Variants in PEMT observed in about 807,000 individuals in gnomAD.
PEMT encodes phospholipid methyltransferase.
A neutral mutation model predicts 27.4 loss-of-function variants in PEMT; 23 were observed. The observed-to-expected ratio is 0.84, with a 90% confidence interval of 0.60 to 1.19. The LOEUF is 1.19. Among genes scored for constraint, PEMT ranks in the 50% most tolerant of loss-of-function variants. PEMT has a pLI of 0.00. For synonymous variants in PEMT, 137 were observed against 139.1 expected (o/e 0.98, Z 0.11); for missense variants, 307 against 310.1 (o/e 0.99, Z 0.07).
chr17:17,529,726 G>A (rs1024800600), intron 2 of PEMT, among the ~76,000 whole-genome samples: 2 of 152,146 alleles, frequency 1.3e-5, no homozygotes, highest in African/African-American at 2.4e-5. Flanking sequence ...TTTGCTCCCC[G>A]CCTCCTCCAT....
chr17:17,589,996 GC>G (rs1555546498), intron 1 of PEMT, among the ~76,000 whole-genome samples: 4 of 152,076 alleles, frequency 2.6e-5, no homozygotes, highest in Non-Finnish European at 5.9e-5. Context: ...CCTGGGGCAG[GC>G]CCCTAGATGG....
rs761083969 is a variant in PEMT, at chr17:17,576,906, G to C, written c.204+14C>G. The C allele has an allele frequency of 6.3e-7, 1 of 1,597,822 alleles. No individual in the cohort carries two copies. Among genetic ancestry groups the C allele is most frequent in the East Asian group, 2.2e-5 (1 of 44,814 alleles). On this transcript the variant is annotated intron_variant, in intron 2 of 6. Coordinates refer to ENST00000255389, the MANE Select transcript of PEMT (RefSeq NM_148172.3). ...AGATACTCCCGTCTGGACAGTGTCA[G>C]GCACATCACTTACCACATTCCAGTA...
Position 17,558,695 on chromosome 17 carries a change from A to C in PEMT, c.204+18225T>G, listed in dbSNP as rs564873649. Among the ~76,000 whole-genome samples, 18 of 127,404 alleles carry C rather than the reference A, an allele frequency of 1.4e-4. No homozygotes were observed. The East Asian group carries it at 2.0e-3, about 14-fold the overall frequency. 83.6% of individuals were successfully genotyped at this position (127,404 alleles called of 152,430 possible). On this transcript the variant is annotated intron_variant, in intron 2 of 6. Coordinates refer to ENST00000255389, the MANE Select transcript of PEMT (RefSeq NM_148172.3). The stretch of plus-strand genomic sequence containing the variant: ...AACCAGTCTCACGAAAAAAAAAAAA[A>C]AAAACAAAAAGAAAGGGCAGCAGAG...
chr17:17,559,140 C>T (rs1309480151), intron 2 of PEMT, among the ~76,000 whole-genome samples: 3 of 152,306 alleles, frequency 2.0e-5, no homozygotes, highest in Middle Eastern at 3.4e-3. Flanking sequence ...CGGTATGACC[C>T]GCCGGGGCTG....
intron 1 of PEMT, among the ~76,000 whole-genome samples, chr17:17,577,233 C>T (rs1911663048): frequency 6.6e-6 from 1 of 152,152 alleles, no homozygotes; most frequent in African/African-American, 2.4e-5. Flanking sequence ...GGGAGGGCGG[C>T]CGCAGAAATG....
At chr17:17,551,494 G>A (rs1909649461) in intron 2 of PEMT, among the ~76,000 whole-genome samples, 1 of 152,218 alleles carries the variant, frequency 6.6e-6, no homozygotes, top group Non-Finnish European at 1.5e-5. Context: ...CAGCAGCCCA[G>A]CCCAGTCCCT....
chr17:17,518,447 A>G (rs950667024), intron 3 of PEMT, among the ~76,000 whole-genome samples: 1 of 152,140 alleles, frequency 6.6e-6, no homozygotes, highest in African/African-American at 2.4e-5. Context: ...TTCACACTCC[A>G]CAGCCAGAGC....
intron 2 of PEMT, among the ~76,000 whole-genome samples, chr17:17,569,314 C>T (rs180772428): frequency 6.6e-6 from 1 of 152,280 alleles, no homozygotes; most frequent in East Asian, 1.9e-4. Context: ...AGCACATGTG[C>T]AGGAGCCACC....
intron 2 of PEMT, among the ~76,000 whole-genome samples, chr17:17,545,975 G>A (rs1022018461): frequency 4.6e-5 from 7 of 152,224 alleles, no homozygotes; most frequent in African/African-American, 1.7e-4. Context: ...TCTGGAAGGA[G>A]GCCACGACTG....
chr17:17,572,874 C>T (rs1911304893), intron 2 of PEMT, among the ~76,000 whole-genome samples: 2 of 152,220 alleles, frequency 1.3e-5, no homozygotes, highest in Admixed American at 6.5e-5. Context: ...ACCAGCCAGC[C>T]CTCCGCAGCA....
At chr17:17,590,311 G>A (rs989631824) in intron 1 of PEMT, among the ~76,000 whole-genome samples, 1 of 152,184 alleles carries the variant, frequency 6.6e-6, no homozygotes, top group Admixed American at 6.5e-5. Context: ...CAGGGCCAGC[G>A]GCCCATCTCC....
intron 2 of PEMT, among the ~76,000 whole-genome samples, chr17:17,534,112 T>C (rs1908295536): frequency 6.6e-6 from 1 of 152,164 alleles, no homozygotes; most frequent in South Asian, 2.1e-4. Context: ...TTAAGAAAGA[T>C]GAAAGCAGCT....
Position 17,505,710 on chromosome 17 carries a change from C to T in PEMT, c.*81G>A, listed in dbSNP as rs890296518. Reference sequence around the variant, plus strand: ...GGGGCGAGCCCTGAGCAGCAGGCACCATTCTCGCCCTGCGCAGGGCCTGCC... The same window carrying T: ...GGGGCGAGCCCTGAGCAGCAGGCACTATTCTCGCCCTGCGCAGGGCCTGCC... On this transcript the variant is annotated 3_prime_UTR_variant, in exon 7 of 7. Transcript: ENST00000255389. 1 of 1,427,844 alleles carries T rather than the reference C, an allele frequency of 7.0e-7. No homozygotes were observed. The allele number at this position is 1,427,844 out of a possible 1,614,324, so 88.4% of individuals were successfully genotyped here.
At chr17:17,567,667 C>T (rs1477519881) in intron 2 of PEMT, among the ~76,000 whole-genome samples, 2 of 152,234 alleles carry the variant, frequency 1.3e-5, no homozygotes, top group Admixed American at 6.5e-5. Flanking sequence ...CAGCTGTGAG[C>T]ACAGCCCAGA....
At position 17,561,155 on chromosome 17, in the gene PEMT, G is replaced by T. The variant is rs139697516; in HGVS notation, c.204+15765C>A. 6.6e-6 allele frequency among the ~76,000 whole-genome samples: 1 copy of T among 152,070 alleles called. No homozygotes were observed. The highest frequency in any genetic ancestry group is 1.9e-4 in the East Asian group (1 of 5,170). On this transcript the variant is annotated intron_variant, in intron 2 of 6. Coordinates refer to ENST00000255389, the MANE Select transcript of PEMT (RefSeq NM_148172.3). The surrounding 1 kb of genome is among the most constrained non-coding windows in gnomAD (Gnocchi z 4.5). ...AGTCATCAAACATTCACTGGGCACC[G>T]TGGGGCAGGGCCCAGAGGACAACAG...
Position 17,507,053 on chromosome 17 carries a change from C to T in PEMT, c.579-752G>A, listed in dbSNP as rs955698178. 5.0e-5 allele frequency: 50 copies of T among 1,007,400 alleles called. No individual in the cohort carries two copies. The Admixed American group carries it at 8.6e-4, about 17-fold the overall frequency. The allele number at this position is 1,007,400 out of a possible 1,614,324, so 62.4% of individuals were successfully genotyped here. A position where few individuals can be genotyped will look rare whatever the true frequency, so the allele number is the denominator to read the frequency against. The stretch of plus-strand genomic sequence containing the variant: ...TGGTGACCAGCTCCTGACCCCGCCA[C>T]ACCAGTAAGCAGCGGCAGCTCGTCA... On this transcript the variant is annotated intron_variant, in intron 5 of 6. Transcript: ENST00000255389.
chr17:17,540,399 C>T (rs553317325), intron 2 of PEMT, among the ~76,000 whole-genome samples: 23 of 152,340 alleles, frequency 1.5e-4, no homozygotes, highest in Non-Finnish European at 2.5e-4. Context: ...GCACAGCACA[C>T]GTGAGGGAGG....
intron 2 of PEMT, among the ~76,000 whole-genome samples, chr17:17,532,263 A>G (rs1050034727): frequency 3.9e-5 from 6 of 152,226 alleles, no homozygotes; most frequent in African/African-American, 1.2e-4. Flanking sequence ...AACTAACTCT[A>G]TCCACAGATG....
upstream of PEMT, chr17:17,592,032 A>G: frequency 1.0e-6 from 1 of 985,424 alleles, no homozygotes; most frequent in Middle Eastern, 5.2e-4. Flanking sequence ...TCGTAGCTAT[A>G]AGCAGCTTCC....
Sources: gnomAD v4.1 joint callset for allele counts (sites outside exome capture counted in the v4.1 genomes callset) on GRCh38, gnomAD v4.1.1 for gene constraint, Gnocchi (gnomAD v3.1) non-coding constraint, MANE v1.5 for transcripts, NCBI Gene and HGNC (gene_info 2026-07-23, HGNC 2026-07-21) for gene names.